Variants in PFDN5 observed in about 807,000 individuals in gnomAD.
PFDN5 encodes c-myc binding protein.
Under a neutral mutation model 21.5 loss-of-function variants are expected in PFDN5, and 13 were observed. The ratio of observed to expected loss-of-function variants is 0.60; its 90% CI spans 0.39 to 0.96. The LOEUF is 0.96. PFDN5 is among the 40% of genes least tolerant of loss of function. PFDN5 has a pLI of 0.00. For missense variants in PFDN5, 188 were observed against 186.2 expected (o/e 1.01, Z -0.06); for synonymous variants, 84 against 68.9 (o/e 1.22, Z -1.08).
At chr12:53,297,604 T>C in intron 3 of PFDN5, 1 of 486,398 alleles carries the variant, frequency 2.1e-6, no homozygotes, top group Non-Finnish European at 3.8e-6. Flanking sequence ...GCTTAGAGAG[T>C]GAGAGATGGG....
intron 3 of PFDN5, 70 bp downstream of exon 3, chr12:53,296,345 A>AG (rs1368059725): frequency 8.2e-7 from 1 of 1,213,936 alleles, no homozygotes; most frequent in Non-Finnish European, 1.2e-6. Context: ...AAAAGCGGGG[A>AG]GGGGGATTGT....
At chr12:53,296,092 T>C in intron 2 of PFDN5, 151 bp downstream of exon 2, 4 of 793,312 alleles carry the variant, frequency 5.0e-6, no homozygotes, top group Non-Finnish European at 8.7e-6. Context: ...TGCCTAGAAT[T>C]GAAAAGTACA....
intron 3 of PFDN5, 183 bp downstream of exon 3, chr12:53,296,458 G>A (rs1400772721): frequency 1.5e-6 from 1 of 684,018 alleles, no homozygotes; most frequent in Non-Finnish European, 2.6e-6. Context: ...GCCCAGGCTG[G>A]AGCGCAATGG....
chr12:53,295,847 G>A lies in PFDN5; in HGVS notation c.81G>A (p.Glu27=). 1 of 1,592,692 alleles carries A rather than the reference G, an allele frequency of 6.3e-7. No individual in the cohort carries two copies. Among genetic ancestry groups the A allele is most frequent in the Non-Finnish European group, 8.6e-7 (1 of 1,160,534 alleles). Residue 27 remains glutamate (E), a synonymous_variant, in exon 2 of 6, where the codon GAG becomes GAA. Coordinates refer to ENST00000334478, the MANE Select transcript of PFDN5 (RefSeq NM_002624.4). ...ATCCCGGTCCTCTGTAGGAAGTGGA[G>A]TTCTTGTCCACGTCCATTGCTCAGC... The part of the protein sequence containing the change: ...MLKNQLDQEV[E]FLSTSIAQLK...
At chr12:53,299,111 C>T (rs898563496) in intron 5 of PFDN5, 158 bp from the exon 6 acceptor site, 8 of 449,430 alleles carry the variant, frequency 1.8e-5, no homozygotes, top group African/African-American at 6.6e-5. Flanking sequence ...ACTCCAGCCT[C>T]GGTGACAAGA....
intron 1 of PFDN5, 91 bp from the exon 2 acceptor site, chr12:53,295,748 C>T (rs1461347840): frequency 5.4e-6 from 7 of 1,285,306 alleles, no homozygotes; most frequent in African/African-American, 1.5e-5. Flanking sequence ...CAGGCGAAAC[C>T]TCTATCCGAT....
chr12:53,299,136 C>CA (rs5798261), intron 5 of PFDN5, 133 bp from the exon 6 acceptor site: 229,602 of 358,912 alleles, frequency 0.64, 58,911 homozygotes, highest in African/African-American at 0.75. Context: ...GATTCTGTCT[C>CA]AAAAAAAAAA....
Position 53,297,712 on chromosome 12 carries a change from T to A in PFDN5, c.208-138T>A, listed in dbSNP as rs573085468. Reference sequence around the variant, plus strand: ...CCATTTGGAGTTATAGGTATTGTTCTAAGGCCTCCAGATTATTCAGTCCTT... The same window carrying A: ...CCATTTGGAGTTATAGGTATTGTTCAAAGGCCTCCAGATTATTCAGTCCTT... On this transcript the variant is annotated intron_variant, in intron 3 of 5. Transcript: ENST00000334478. 96 of 677,754 alleles carry A rather than the reference T, an allele frequency of 1.4e-4. No individual in the cohort carries two copies. In the African/African-American group the frequency reaches 1.6e-3, roughly 12 times the overall value. 42.0% of individuals were successfully genotyped at this position (677,754 alleles called of 1,614,324 possible).
chr12:53,299,309 A>C lies in PFDN5; in HGVS notation c.429A>C (p.Thr143=). Residue 143 remains threonine, a synonymous_variant, in exon 6 of 6, where the codon ACA becomes ACC. Coordinates refer to ENST00000334478, the MANE Select transcript of PFDN5 (RefSeq NM_002624.4). The part of the protein sequence containing the change: ...EMMSQKIQQL[T]ALGAAQATAK... ...TGAGTCAGAAGATTCAGCAGCTCAC[A>C]GCCCTGGGGGCAGCTCAGGCTACTG... 1 of 1,612,942 alleles carries C rather than the reference A, an allele frequency of 6.2e-7. No individual in the cohort carries two copies. The highest frequency in any genetic ancestry group is 1.7e-5 in the Admixed American group (1 of 60,004).
chr12:53,295,843 T>G lies in PFDN5; in HGVS notation c.77T>G (p.Val26Gly). 6.3e-7 allele frequency: 1 copy of G among 1,584,498 alleles called. No individual in the cohort carries two copies. The change falls in exon 2 of 6, where the codon GTG becomes GGG. Residue 26 changes from valine to glycine, a missense_variant. Val to Gly is a moderately radical substitution (Grantham distance 109, BLOSUM62 -3). Coordinates refer to ENST00000334478, the MANE Select transcript of PFDN5 (RefSeq NM_002624.4). ...EMLKNQLDQE[V>G]EFLSTSIAQL... is the part of the protein sequence containing the mutation. The stretch of plus-strand genomic sequence containing the variant: ...CGCTATCCCGGTCCTCTGTAGGAAG[T>G]GGAGTTCTTGTCCACGTCCATTGCT...
chr12:53,299,117 CAA>C (rs752869291), intron 5 of PFDN5, 150 bp from the exon 6 acceptor site: 84 of 448,792 alleles, frequency 1.9e-4, no homozygotes, highest in Non-Finnish European at 2.7e-4. Flanking sequence ...GCCTCGGTGA[CAA>C]GAGCAGGATT....
chr12:53,296,152 C>T (rs1592502698), intron 2 of PFDN5, 92 bp from the exon 3 acceptor site: 5 of 1,088,446 alleles, frequency 4.6e-6, no homozygotes, highest in East Asian at 2.5e-5. Flanking sequence ...TTCACACTGT[C>T]TGTGGGTGCT....
chr12:53,295,964 T>A (rs1453094148), intron 2 of PFDN5, 23 bp downstream of exon 2: 1 of 1,442,674 alleles, frequency 6.9e-7, no homozygotes, highest in Non-Finnish European at 9.8e-7. Flanking sequence ...CGGGTGAGGG[T>A]AACCTAAAGT....
intron 3 of PFDN5, chr12:53,297,443 A>G (rs960202989): frequency 5.5e-6 from 1 of 182,750 alleles, no homozygotes; most frequent in Admixed American, 5.6e-5. Context: ...AGCAAAAAAC[A>G]AACAAAACAT....
chr12:53,296,570 G>A (rs1322028388), intron 3 of PFDN5: 8 of 475,062 alleles, frequency 1.7e-5, no homozygotes, highest in Non-Finnish European at 3.1e-5. Context: ...CACCACGACC[G>A]GCTAATTTTT....
At position 53,299,219 on chromosome 12, in the gene PFDN5, C is replaced by G. The variant is rs886888535; in HGVS notation, c.389-50C>G. On this transcript the variant is annotated intron_variant, in intron 5 of 5. Transcript: ENST00000334478. ...ACTTGCCTGTCACTTCTCCTTAACT[C>G]TAGGTTCTCCTTTTTGCTTCTAACC... is the stretch of plus-strand genomic sequence containing the variant. The G allele has an allele frequency of 2.3e-6, 3 of 1,281,054 alleles. No individual in the cohort carries two copies. In the African/African-American group the frequency reaches 4.4e-5, roughly 19 times the overall value. The allele number at this position is 1,281,054 out of a possible 1,614,324, so 79.4% of individuals were successfully genotyped here. A position where few individuals can be genotyped will look rare whatever the true frequency, so the allele number is the denominator to read the frequency against.
rs1162903552 is a variant in PFDN5 at position 53,297,957 on chromosome 12, AG to A, written c.282+36del. 3.1e-6 allele frequency: 5 copies of A among 1,589,484 alleles called. No homozygotes were observed. The African/African-American group carries it at 5.4e-5, about 17-fold the overall frequency. On this transcript the variant is annotated intron_variant, in intron 4 of 5. Coordinates refer to ENST00000334478, the MANE Select transcript of PFDN5 (RefSeq NM_002624.4). ...AGAGCATGTGGATGCCCCTCTAAAC[AG>A]GGAAGGGAAATTCAGGGGAAGCTCT...
intron 4 of PFDN5, 44 bp from the exon 5 acceptor site, chr12:53,298,001 G>C (rs1310131281): frequency 1.3e-6 from 2 of 1,563,734 alleles, no homozygotes; most frequent in Non-Finnish European, 1.8e-6. Context: ...AGCATGGCCA[G>C]AGGGAGTCTC....
At chr12:53,296,470 G>A in intron 3 of PFDN5, 195 bp downstream of exon 3, 1 of 676,626 alleles carries the variant, frequency 1.5e-6, no homozygotes, top group Non-Finnish European at 2.7e-6. Context: ...GCGCAATGGT[G>A]AGATCTTGGC....
Sources: gnomAD v4.1 joint callset for allele counts on GRCh38, gnomAD v4.1.1 for gene constraint, MANE v1.5 for transcripts, NCBI Gene and HGNC (gene_info 2026-07-23, HGNC 2026-07-21) for gene names.